The following SNAI2 variants were observed in gnomAD, a reference collection of about 807,000 sequenced individuals.
SNAI2 encodes snail family transcriptional repressor 2, also known as zinc finger protein SNAI2.
Under a neutral mutation model 22.4 loss-of-function variants are expected in SNAI2, and 2 were observed. The observed-to-expected ratio is 0.09, with a 90% CI of 0.04 to 0.28. The LOEUF (loss-of-function observed/expected upper bound fraction) is 0.28. Ranked by LOEUF, SNAI2 falls within the 10% of genes least tolerant of loss-of-function variation. The pLI is 1.00. For synonymous variants in SNAI2, 134 were observed against 123.0 expected, an observed-to-expected ratio of 1.09 and a Z score of -0.59; for missense variants, 239 against 320.8, an observed-to-expected ratio of 0.75 and a Z score of 1.95.
intron 2 of SNAI2, among the ~76,000 whole-genome samples, chr8:48,919,302 C>T (rs1171123419): frequency 6.6e-6 from 1 of 152,164 alleles, no homozygotes; most frequent in Non-Finnish European, 1.5e-5. Flanking sequence ...GAGCACCTCC[C>T]AACATTTCCC....
chr8:48,919,414 C>CA (rs1317162970), intron 2 of SNAI2, among the ~76,000 whole-genome samples: 1 of 152,088 alleles, frequency 6.6e-6, no homozygotes, highest in African/African-American at 2.4e-5. Context: ...AATTAAGGAG[C>CA]AAAAAATCCC....
chr8:48,918,778 T>A lies in SNAI2; in HGVS notation c.*29A>T. The A allele has an allele frequency of 6.2e-7, 1 of 1,613,100 alleles. No homozygotes were observed. Among genetic ancestry groups the A allele is most frequent in the Non-Finnish European group, 8.5e-7 (1 of 1,179,056 alleles). ...TTGGCTTCGGAGTGAAGAAATGCAT[T>A]CTGTTCGAGTAAACATTGATTGCGT... On this transcript the variant is annotated 3_prime_UTR_variant, in exon 3 of 3. Transcript: ENST00000020945.
chr8:48,917,885 T>G lies in SNAI2; in HGVS notation c.*922A>C, dbSNP rs568059141. ...ACATAGCTATAGACAACATCTCAGT[T>G]TCATACAGAACTCATTCAATCATAT... On this transcript the variant is annotated 3_prime_UTR_variant, in exon 3 of 3. Transcript: ENST00000020945. The G allele has an allele frequency of 1.2e-4, 19 of 152,294 alleles. No individual in the cohort carries two copies. Among genetic ancestry groups the G allele is most frequent in the African/African-American group, 4.1e-4 (17 of 41,548 alleles). The allele number at this position is 152,294 out of a possible 1,614,324, so 9.4% of individuals were successfully genotyped here.
chr8:48,920,067 C>G lies in SNAI2; in HGVS notation c.454G>C (p.Asp152His). The G allele has an allele frequency of 6.2e-7, 1 of 1,614,166 alleles. No individual in the cohort carries two copies. Among genetic ancestry groups the G allele is most frequent in the Non-Finnish European group, 8.5e-7 (1 of 1,180,034 alleles). Reference sequence around the variant, plus strand: ...CTGAAAGATTTTCTAGACTGGGCATCGCAGTGCAGCTGCTTATGTTTGGCC... The same window carrying G: ...CTGAAAGATTTTCTAGACTGGGCATGGCAGTGCAGCTGCTTATGTTTGGCC... Reference protein sequence around the residue: ...GLAKHKQLHCDAQSRKSFSCK... With the variant: ...GLAKHKQLHCHAQSRKSFSCK... The change falls in exon 2 of 3, where the codon GAT (aspartate) becomes CAT (histidine). Residue 152 changes from aspartate (D) to histidine (H), a missense_variant. Around this residue, in one of 3 missense-constraint regions of SNAI2, gnomAD observed 183 missense variants for 190.4 expected, o/e 0.96. Coordinates refer to ENST00000020945, the MANE Select transcript of SNAI2 (RefSeq NM_003068.5).
Position 48,921,425 on chromosome 8 carries a change from G to C in SNAI2, c.-160C>G. 1 of 662,730 alleles carries C rather than the reference G, an allele frequency of 1.5e-6. No homozygotes were observed. Among genetic ancestry groups the C allele is most frequent in the Non-Finnish European group, 2.7e-6 (1 of 373,460 alleles). The allele number at this position is 662,730 out of a possible 1,614,324, so 41.1% of individuals were successfully genotyped here. On this transcript the variant is annotated 5_prime_UTR_variant, in exon 1 of 3. Transcript: ENST00000020945. ...CTCTGAAGTCACCCGGCTCCTTTAC[G>C]AACTGAGCCCGTTTTGGCTGGGAGG...
Position 48,920,076 on chromosome 8 carries a change from G to C in SNAI2, c.445C>G (p.Leu149Val), listed in dbSNP as rs774149293. ...TFSGLAKHKQ[L>V]HCDAQSRKSF... Reference sequence around the variant, plus strand: ...TTTCTAGACTGGGCATCGCAGTGCAGCTGCTTATGTTTGGCCAGCCCAGAA... The same window carrying C: ...TTTCTAGACTGGGCATCGCAGTGCACCTGCTTATGTTTGGCCAGCCCAGAA... Residue 149 changes from leucine (L) to valine (V), a missense_variant, in exon 2 of 3, where the codon CTG (leucine) becomes GTG (valine). Leu to Val is a conservative substitution (Grantham distance 32, BLOSUM62 1). Coordinates refer to ENST00000020945, the MANE Select transcript of SNAI2 (RefSeq NM_003068.5). 6.2e-7 allele frequency: 1 copy of C among 1,614,228 alleles called. No homozygotes were observed. Among genetic ancestry groups the C allele is most frequent in the Non-Finnish European group, 8.5e-7 (1 of 1,180,048 alleles).
Position 48,920,085 on chromosome 8 carries a change from G to GC in SNAI2, c.435_436insG (p.His146AlafsTer2). On this transcript the variant is annotated frameshift_variant, in exon 2 of 3. Transcript: ENST00000020945. LOFTEE classifies it high-confidence loss of function. ...TGGGCATCGCAGTGCAGCTGCTTATGTTTGGCCAGCCCAGAAAAAGTTGAA... is the reference window on the plus strand; with the variant it reads ...TGGGCATCGCAGTGCAGCTGCTTATGCTTTGGCCAGCCCAGAAAAAGTTGAA... 1 of 1,614,222 alleles carries GC rather than the reference G, an allele frequency of 6.2e-7. No homozygotes were observed. Among genetic ancestry groups the GC allele is most frequent in the East Asian group, 2.2e-5 (1 of 44,882 alleles).
rs1324970400 is a variant in SNAI2 at position 48,920,569 on chromosome 8, C to T, written c.80-128G>A. 2.3e-5 allele frequency: 20 copies of T among 862,766 alleles called. No homozygotes were observed. In the Admixed American group the frequency reaches 3.9e-4, roughly 17 times the overall value. 53.4% of individuals were successfully genotyped at this position (862,766 alleles called of 1,614,324 possible). A position where few individuals can be genotyped will look rare whatever the true frequency, so the allele number is the denominator to read the frequency against. ...GTGATTTTCTTAGGAAGAAGATAGA[C>T]CCATTTAGGAGGGCATACACACTGG... On this transcript the variant is annotated intron_variant, in intron 1 of 2. Coordinates refer to ENST00000020945, the MANE Select transcript of SNAI2 (RefSeq NM_003068.5).
Position 48,920,406 on chromosome 8 carries a change from T to C in SNAI2, c.115A>G (p.Met39Val). Residue 39 changes from methionine (M) to valine (V), a missense_variant, in exon 2 of 3, where the codon ATG (methionine) becomes GTG (valine). Met to Val is a conservative substitution (Grantham distance 21). This residue lies in a region of SNAI2 where 183 missense variants were observed against 190.4 expected (regional missense o/e 0.96). Transcript: ENST00000020945. ...ISPYLYESYSMPVIPQPEILS... is the reference protein window; with the variant it reads ...ISPYLYESYSVPVIPQPEILS... ...ATCTCTGGTTGTGGTATGACAGGCA[T>C]GGAGTAACTCTCATAGAGATACGGG... 6.2e-7 allele frequency: 1 copy of C among 1,614,060 alleles called. No homozygotes were observed. Among genetic ancestry groups the C allele is most frequent in the Non-Finnish European group, 8.5e-7 (1 of 1,179,984 alleles).
intron 1 of SNAI2, 60 bp from the exon 2 acceptor site, chr8:48,920,501 A>T: frequency 7.3e-7 from 1 of 1,372,350 alleles, no homozygotes; most frequent in Non-Finnish European, 1.0e-6. Context: ...ATAAATCCAC[A>T]CGCAAGTATA....
In SNAI2 at chr8:48,920,749, A is replaced by G. The variant is rs150800934; in HGVS notation, c.80-308T>C. Among the ~76,000 whole-genome samples, 276 of 152,292 alleles carry G rather than the reference A, an allele frequency of 1.8e-3. 2 individuals are homozygous for G. The highest frequency in any genetic ancestry group is 6.5e-3 in the African/African-American group (271 of 41,576). ...CCCATTGAGGAAGGAGAGCCTCAAC[A>G]TTATTTTTAAACATACAGAAAAGTT... On this transcript the variant is annotated intron_variant, in intron 1 of 2. Transcript: ENST00000020945.
Position 48,918,841 on chromosome 8 carries a change from T to C in SNAI2, c.773A>G (p.Lys258Arg), listed in dbSNP as rs1169791779. ...TACACAGCAGCCAGATTCCTCATGT[T>C]TGTGCAGGAGAGACATTCTGGAGAA... ...KTFSRMSLLH[K>R]HEESGCCVAH Residue 258 changes from lysine to arginine, a missense_variant, in exon 3 of 3, where the codon AAA (lysine) becomes AGA (arginine). Physicochemically the swap from Lys to Arg is conservative, Grantham distance 26 (BLOSUM62 2). Coordinates refer to ENST00000020945, the MANE Select transcript of SNAI2 (RefSeq NM_003068.5). 1.2e-5 allele frequency: 20 copies of C among 1,614,216 alleles called. No individual in the cohort carries two copies. The highest frequency in any genetic ancestry group is 1.6e-5 in the Non-Finnish European group (19 of 1,180,026).
chr8:48,919,519 A>G (rs928698771), intron 2 of SNAI2, among the ~76,000 whole-genome samples: 9 of 152,344 alleles, frequency 5.9e-5, no homozygotes, highest in African/African-American at 1.7e-4. Flanking sequence ...CTAACAGAAA[A>G]CTGTAGGAAA....
chr8:48,919,797 A>G, intron 2 of SNAI2, 99 bp downstream of exon 2: 1 of 1,277,414 alleles, frequency 7.8e-7, no homozygotes, highest in Non-Finnish European at 1.1e-6. Flanking sequence ...ACTGTCCATC[A>G]TTAAAAGCAC....
chr8:48,921,063 C>T (rs1806154873), intron 1 of SNAI2, 124 bp downstream of exon 1: 2 of 784,824 alleles, frequency 2.5e-6, no homozygotes, highest in Non-Finnish European at 4.4e-6. Context: ...CCTTTCAGGA[C>T]ACTGTTAAAA....
chr8:48,919,882 G>T lies in SNAI2; in HGVS notation c.625+14C>A. 1.2e-6 allele frequency: 2 copies of T among 1,612,520 alleles called. No homozygotes were observed. The highest frequency in any genetic ancestry group is 2.2e-5 in the South Asian group (2 of 91,010). ...ATCTCAGAGTAACATTCCTGCCTATGGTTTTTCTCTTACCCGTGTGAGTTC... is the reference window on the plus strand; with the variant it reads ...ATCTCAGAGTAACATTCCTGCCTATTGTTTTTCTCTTACCCGTGTGAGTTC... On this transcript the variant is annotated intron_variant, in intron 2 of 2. Transcript: ENST00000020945.
Position 48,920,398 on chromosome 8 carries a change from G to A in SNAI2, c.123C>T (p.Val41=), listed in dbSNP as rs1237203204. The change falls in exon 2 of 3, where the codon GTC becomes GTT. Residue 41 remains valine, a synonymous_variant. Transcript: ENST00000020945. ...AGCTGAGGATCTCTGGTTGTGGTATGACAGGCATGGAGTAACTCTCATAGA... is the reference window on the plus strand; with the variant it reads ...AGCTGAGGATCTCTGGTTGTGGTATAACAGGCATGGAGTAACTCTCATAGA... ...PYLYESYSMP[V]IPQPEILSSG... is the part of the protein sequence containing the mutation. The A allele has an allele frequency of 1.2e-6, 2 of 1,614,120 alleles. No individual in the cohort carries two copies. The highest frequency in any genetic ancestry group is 3.3e-5 in the Admixed American group (2 of 60,020).
At position 48,920,090 on chromosome 8, in the gene SNAI2, G is replaced by C. The variant is rs1450198644; in HGVS notation, c.431C>G (p.Ala144Gly). 3 of 1,614,086 alleles carry C rather than the reference G, an allele frequency of 1.9e-6. No individual in the cohort carries two copies. In the African/African-American group the frequency reaches 4.0e-5, roughly 22 times the overall value. ...ATCGCAGTGCAGCTGCTTATGTTTG[G>C]CCAGCCCAGAAAAAGTTGAATAGGT... is the stretch of plus-strand genomic sequence containing the variant. ...NKTYSTFSGL[A>G]KHKQLHCDAQ... is the part of the protein sequence containing the mutation. Residue 144 changes from alanine (A) to glycine (G), a missense_variant, in exon 2 of 3, where the codon GCC becomes GGC. Ala to Gly is a moderately conservative substitution (Grantham distance 60, BLOSUM62 0). This residue lies in a region of SNAI2 where 183 missense variants were observed against 190.4 expected (regional missense o/e 0.96). Coordinates refer to ENST00000020945, the MANE Select transcript of SNAI2 (RefSeq NM_003068.5).
rs772318835 is a variant in SNAI2 at position 48,921,277 on chromosome 8, G to A, written c.-12C>T. ...AAGGAGCGCGGCATCTTGCCAGCGG[G>A]TCTGGCGGGCGCCCGGCGCGGATAA... On this transcript the variant is annotated 5_prime_UTR_variant, in exon 1 of 3. Transcript: ENST00000020945. The A allele has an allele frequency of 1.2e-6, 2 of 1,610,628 alleles. No individual in the cohort carries two copies. Among genetic ancestry groups the A allele is most frequent in the Admixed American group, 1.7e-5 (1 of 60,026 alleles).
Sources: gnomAD v4.1 joint callset for allele counts (sites outside exome capture counted in the v4.1 genomes callset) on GRCh38, gnomAD v4.1.1 for gene constraint, gnomAD v4.1.1 regional missense constraint, MANE v1.5 for transcripts, NCBI Gene and HGNC (gene_info 2026-07-23, HGNC 2026-07-21) for gene names.